SLC47A2: variants seen among roughly 807,000 people sequenced by gnomAD.
The protein encoded by SLC47A2 is solute carrier family 47 member 2.
In SLC47A2, 52 loss-of-function variants were observed where a neutral mutation model predicts 67.7. The ratio of observed to expected loss-of-function variants is 0.77; its 90% CI spans 0.61 to 0.97. The LOEUF (loss-of-function observed/expected upper bound fraction) is 0.97. Among genes scored for constraint, SLC47A2 ranks in the 50% least tolerant of loss-of-function variants. The pLI, the probability that SLC47A2 is intolerant of heterozygous loss-of-function variation, is 0.00. For synonymous variants in SLC47A2, 278 were observed against 292.9 expected, an observed-to-expected ratio of 0.95 and a Z score of 0.52; for missense variants, 676 against 712.3, an observed-to-expected ratio of 0.95 and a Z score of 0.58.
rs12603959 is a variant in SLC47A2 at position 19,685,461 on chromosome 17, G to C, written c.1165-3791C>G. Among the ~76,000 whole-genome samples the C allele has an allele frequency of 6.6e-5, 10 of 151,538 alleles. No individual in the cohort carries two copies. Among genetic ancestry groups the C allele is most frequent in the African/African-American group, 2.2e-4 (9 of 41,296 alleles). ...AGGAGCCCCTCTGCCTGGCCGCCCC[G>C]TCTGGGAAGTGAGGAGTGCCTCTGC... On this transcript the variant is annotated intron_variant, in intron 13 of 16. Transcript: ENST00000433844. This position sits in a 1 kb window ranked among gnomAD's most constrained non-coding sequence, Gnocchi z 4.5.
rs569900840 is a variant in SLC47A2, at chr17:19,714,002, G to C, written c.295-29C>G. The C allele has an allele frequency of 4.9e-5, 78 of 1,603,324 alleles. 2 individuals carry two copies. In the South Asian group the frequency reaches 8.0e-4, roughly 16 times the overall value. On this transcript the variant is annotated intron_variant, in intron 3 of 16. Coordinates refer to ENST00000433844, the MANE Select transcript of SLC47A2 (RefSeq NM_001099646.3). ...CAAAACAGCCCGCCCCGCGTCAGCC[G>C]TTTCCACTGCCCGGGACATTCCTAA... is the stretch of plus-strand genomic sequence containing the variant.
Position 19,706,628 on chromosome 17 carries a change from C to G in SLC47A2, c.841+20G>C, listed in dbSNP as rs369636297. On this transcript the variant is annotated intron_variant, in intron 9 of 16. Coordinates refer to ENST00000433844, the MANE Select transcript of SLC47A2 (RefSeq NM_001099646.3). Reference sequence around the variant, plus strand: ...TGAGCCGCCCACACGCCATTGCGCCCCCCATCCTCTTCCACGTACCCATGA... The same window carrying G: ...TGAGCCGCCCACACGCCATTGCGCCGCCCATCCTCTTCCACGTACCCATGA... The G allele has an allele frequency of 8.3e-6, 13 of 1,562,800 alleles. No homozygotes were observed. In the African/African-American group the frequency reaches 1.5e-4, roughly 18 times the overall value.
chr17:19,700,023 A>C (rs2085750117), intron 13 of SLC47A2, among the ~76,000 whole-genome samples: 2 of 152,248 alleles, frequency 1.3e-5, no homozygotes, highest in Admixed American at 6.5e-5. Context: ...AGCCAGACAC[A>C]GGACTGCATA....
chr17:19,693,111 C>T (rs1353852204), intron 13 of SLC47A2, among the ~76,000 whole-genome samples: 5 of 149,278 alleles, frequency 3.3e-5, no homozygotes, highest in South Asian at 4.4e-4. Flanking sequence ...AGCCTGGCGA[C>T]GGAGTGAGAC....
At position 19,704,158 on chromosome 17, in the gene SLC47A2, G is replaced by A. The variant is rs764007416; in HGVS notation, c.930C>T (p.Ile310=). ...CCATCCCCACTCGGACACAGACCCC[G>A]ATGCTGAGCCCCAAGGGAATCTGGG... ...VTYMIPLGLS[I]GVCVRVGMAL... Residue 310 remains isoleucine, a synonymous_variant, in exon 11 of 17, where the codon ATC becomes ATT. Transcript: ENST00000433844. The A allele has an allele frequency of 2.5e-5, 40 of 1,610,562 alleles. No individual in the cohort carries two copies. The highest frequency in any genetic ancestry group is 1.6e-4 in the Middle Eastern group (1 of 6,064).
rs762598720 is a variant in SLC47A2, at chr17:19,707,813, C to G, written c.660G>C (p.Gln220His). Residue 220 changes from glutamine (Q) to histidine (H), a missense_variant, in exon 8 of 17, where the codon CAG becomes CAC. Gln to His is a conservative substitution (Grantham distance 24, BLOSUM62 0). Transcript: ENST00000433844. ...GAAGGAGGAAGACGGTCTGTGCAAA[C>G]TGGGAGATGATGTTGGCATAGGCGG... Reference protein sequence around the residue: ...RGSAYANIISQFAQTVFLLLY... With the variant: ...RGSAYANIISHFAQTVFLLLY... 6.2e-7 allele frequency: 1 copy of G among 1,604,532 alleles called. No individual in the cohort carries two copies. Among genetic ancestry groups the G allele is most frequent in the East Asian group, 2.3e-5 (1 of 44,268 alleles).
chr17:19,693,906 A>C (rs9914636), intron 13 of SLC47A2, among the ~76,000 whole-genome samples: 14 of 152,176 alleles, frequency 9.2e-5, no homozygotes, highest in African/African-American at 3.4e-4. Context: ...AATCTTAAGG[A>C]GCTCAGACAC....
At position 19,707,816 on chromosome 17, in the gene SLC47A2, G is replaced by A. The variant is rs763622378; in HGVS notation, c.657C>T (p.Ser219=). The change falls in exon 8 of 17, where the codon TCC becomes TCT. Residue 219 remains serine (S), a synonymous_variant. Coordinates refer to ENST00000433844, the MANE Select transcript of SLC47A2 (RefSeq NM_001099646.3). ...VRGSAYANII[S]QFAQTVFLLL... ...GGAGGAAGACGGTCTGTGCAAACTG[G>A]GAGATGATGTTGGCATAGGCGGAGC... is the stretch of plus-strand genomic sequence containing the variant. 11 of 1,603,978 alleles carry A rather than the reference G, an allele frequency of 6.9e-6. No individual in the cohort carries two copies. The South Asian group carries it at 1.1e-4, about 16-fold the overall frequency.
At chr17:19,702,833 T>C (rs1763754082) in intron 12 of SLC47A2, among the ~76,000 whole-genome samples, 159 bp from the exon 13 acceptor site, 1 of 152,252 alleles carries the variant, frequency 6.6e-6, no homozygotes, top group Non-Finnish European at 1.5e-5. Context: ...GAGTTTTCTG[T>C]GTCTGTGGGT....
At chr17:19,716,353 G>T in intron 1 of SLC47A2, 80 bp downstream of exon 1, 2 of 1,495,928 alleles carry the variant, frequency 1.3e-6, no homozygotes, top group Non-Finnish European at 1.8e-6. Flanking sequence ...GCACATTTCT[G>T]GATCCTGCCT....
Position 19,682,329 on chromosome 17 carries a change from T to TCACACACACA in SLC47A2, c.1165-669_1165-660dup, listed in dbSNP as rs376421449. On this transcript the variant is annotated intron_variant, in intron 13 of 16. Coordinates refer to ENST00000433844, the MANE Select transcript of SLC47A2 (RefSeq NM_001099646.3). Reference sequence around the variant, plus strand: ...GCCTGGGCGACAGAGCGAGACTTGGTCACACACACACACACACACACACAC... The same window carrying TCACACACACA: ...GCCTGGGCGACAGAGCGAGACTTGGTCACACACACACACACACACACACACACACACACAC... Among the ~76,000 whole-genome samples, 892 of 143,868 alleles carry TCACACACACA rather than the reference T, an allele frequency of 6.2e-3. 8 individuals are homozygous for TCACACACACA. Among genetic ancestry groups the TCACACACACA allele is most frequent in the African/African-American group, 0.017 (667 of 38,618 alleles). The allele number at this position is 143,868 out of a possible 152,430, so 94.4% of individuals were successfully genotyped here.
At chr17:19,703,239 G>A (rs2085835918) in intron 11 of SLC47A2, 72 bp from the exon 12 acceptor site, 1 of 1,446,726 alleles carries the variant, frequency 6.9e-7, no homozygotes. Context: ...TCAGCAAAGG[G>A]CTGGCCCCTA....
chr17:19,708,795 A>C, intron 5 of SLC47A2, 35 bp from the exon 6 acceptor site: 1 of 1,612,526 alleles, frequency 6.2e-7, no homozygotes, highest in Non-Finnish European at 8.5e-7. Flanking sequence ...AATCAACAAT[A>C]ATGACCAAAA....
chr17:19,685,658 C>G lies in SLC47A2; in HGVS notation c.1165-3988G>C, dbSNP rs1410602194. ...AATCTCAAGTACCCAGGGACACAAA[C>G]AGGGCCGAAGGCCGCAGGGACCTCT... On this transcript the variant is annotated intron_variant, in intron 13 of 16. Transcript: ENST00000433844. The surrounding 1 kb of genome is among the most constrained non-coding windows in gnomAD (Gnocchi z 4.5). Among the ~76,000 whole-genome samples, 1 of 152,220 alleles carries G rather than the reference C, an allele frequency of 6.6e-6. No individual in the cohort carries two copies. Among genetic ancestry groups the G allele is most frequent in the Non-Finnish European group, 1.5e-5 (1 of 68,044 alleles).
In SLC47A2 at chr17:19,713,871, T is replaced by C. The variant is rs757146173; in HGVS notation, c.397A>G (p.Thr133Ala). 3 of 1,613,300 alleles carry C rather than the reference T, an allele frequency of 1.9e-6. No individual in the cohort carries two copies. The East Asian group carries it at 6.7e-5, about 36-fold the overall frequency. Residue 133 changes from threonine (T) to alanine (A), a missense_variant, in exon 4 of 17, where the codon ACC becomes GCC. Transcript: ENST00000433844. ...CLPCWALFLN[T>A]QHILLLFRQD... is the part of the protein sequence containing the mutation. ...CGGAAGAGCAGCAGGATGTGCTGGG[T>C]GTTGAGGAAGAGCGCCCAGCAAGGG...
chr17:19,693,653 C>T (rs1434493475), intron 13 of SLC47A2, among the ~76,000 whole-genome samples: 1 of 149,938 alleles, frequency 6.7e-6, no homozygotes, highest in Non-Finnish European at 1.5e-5. Flanking sequence ...TAAAAATTAG[C>T]CAGGCACGGA....
intron 13 of SLC47A2, among the ~76,000 whole-genome samples, chr17:19,682,329 TCACACA>T (rs376421449): frequency 2.7e-4 from 39 of 143,886 alleles, no homozygotes; most frequent in Admixed American, 9.1e-4. Context: ...CGAGACTTGG[TCACACA>T]CACACACACA....
chr17:19,678,563 T>C lies in SLC47A2; in HGVS notation c.*123A>G. 1.0e-6 allele frequency: 1 copy of C among 1,003,714 alleles called. No individual in the cohort carries two copies. Among genetic ancestry groups the C allele is most frequent in the Non-Finnish European group, 1.5e-6 (1 of 669,916 alleles). The allele number at this position is 1,003,714 out of a possible 1,614,324, so 62.2% of individuals were successfully genotyped here. ...ACAAGGAATCAGCCAAAGTTCTTTTTTTGAGGAGTGGTTCAAAGTGTCCAC... is the reference window on the plus strand; with the variant it reads ...ACAAGGAATCAGCCAAAGTTCTTTTCTTGAGGAGTGGTTCAAAGTGTCCAC... On this transcript the variant is annotated 3_prime_UTR_variant, in exon 17 of 17. Transcript: ENST00000433844.
chr17:19,683,229 G>A (rs2085353275), intron 13 of SLC47A2, among the ~76,000 whole-genome samples: 1 of 152,142 alleles, frequency 6.6e-6, no homozygotes. Flanking sequence ...GACAACTGTG[G>A]GGGTGTGGTG....
Sources: gnomAD v4.1 joint callset for allele counts (sites outside exome capture counted in the v4.1 genomes callset) on GRCh38, gnomAD v4.1.1 for gene constraint, Gnocchi (gnomAD v3.1) non-coding constraint, MANE v1.5 for transcripts, NCBI Gene and HGNC (gene_info 2026-07-23, HGNC 2026-07-21) for gene names.